CWC25: variants seen among roughly 807,000 people sequenced by gnomAD.
CWC25 encodes CWC25 spliceosome associated protein, also known as pre-mRNA-splicing factor CWC25 homolog.
CWC25 carries 31 observed loss-of-function variants against 54.6 expected under a neutral mutation model. That is an observed-to-expected ratio of 0.57 (90% CI 0.43 to 0.77). CWC25 has a LOEUF of 0.77. CWC25 is among the 30% of genes least tolerant of loss of function. The pLI is 0.00. For synonymous variants in CWC25, 151 were observed against 187.0 expected, an observed-to-expected ratio of 0.81 and a Z score of 1.57; for missense variants, 453 against 529.3, an observed-to-expected ratio of 0.86 and a Z score of 1.41.
chr17:38,812,457 G>A (rs113435706), intron 4 of CWC25, among the ~76,000 whole-genome samples: 7,894 of 152,072 alleles, frequency 0.052, 286 homozygotes, highest in Non-Finnish European at 0.076. Flanking sequence ...AATAAACCCC[G>A]TCTCTACTAA....
At chr17:38,823,601 T>C (rs1178979118) in intron 1 of CWC25, among the ~76,000 whole-genome samples, 2 of 152,154 alleles carry the variant, frequency 1.3e-5, no homozygotes, top group Non-Finnish European at 2.9e-5. Context: ...CTTCCTTTTC[T>C]CTTCCCCTCC....
chr17:38,821,855 C>T (rs1032827307), intron 1 of CWC25, among the ~76,000 whole-genome samples: 54 of 151,846 alleles, frequency 3.6e-4, no homozygotes, highest in Non-Finnish European at 7.4e-5. Flanking sequence ...CTGCACCCTC[C>T]GCCTCCCGGG....
At chr17:38,819,403 T>C (rs1309806433) in intron 2 of CWC25, among the ~76,000 whole-genome samples, 1 of 150,610 alleles carries the variant, frequency 6.6e-6, no homozygotes, top group African/African-American at 2.4e-5. Context: ...AGTCTCGCTC[T>C]GTCGCCAGGC....
intron 3 of CWC25, among the ~76,000 whole-genome samples, chr17:38,813,279 T>C (rs1427041638): frequency 6.6e-6 from 1 of 151,208 alleles, no homozygotes; most frequent in Non-Finnish European, 1.5e-5. Flanking sequence ...CTGGCCAACA[T>C]GGTGAAACCT....
chr17:38,816,337 T>C (rs1167240612), intron 2 of CWC25, among the ~76,000 whole-genome samples: 1 of 152,008 alleles, frequency 6.6e-6, no homozygotes, highest in Admixed American at 6.6e-5. Context: ...CAGCCTTGAA[T>C]TCCTGGGCTC....
At chr17:38,817,123 G>A (rs918887716) in intron 2 of CWC25, among the ~76,000 whole-genome samples, 3 of 150,282 alleles carry the variant, frequency 2.0e-5, no homozygotes, top group East Asian at 2.0e-4. Context: ...GGCTGATCAC[G>A]AGGTCAGGAG....
At chr17:38,815,493 G>A (rs1911661235) in intron 2 of CWC25, 1 of 429,548 alleles carries the variant, frequency 2.3e-6, no homozygotes, top group South Asian at 1.7e-5. Flanking sequence ...GGAGGCAGAG[G>A]TTGCAGTAAG....
At chr17:38,806,274 A>G in intron 8 of CWC25, 23 bp downstream of exon 8, 1 of 1,587,552 alleles carries the variant, frequency 6.3e-7, no homozygotes. Context: ...AAATGTGGTT[A>G]ATCAACTGGG....
chr17:38,807,373 A>T (rs1911298022), intron 6 of CWC25, among the ~76,000 whole-genome samples: 1 of 139,790 alleles, frequency 7.2e-6, no homozygotes, highest in East Asian at 2.1e-4. Flanking sequence ...AATGTTACAT[A>T]AGGAGCTCAC....
At chr17:38,820,786 C>A (rs1416738144) in intron 2 of CWC25, 115 bp downstream of exon 2, 2 of 1,225,220 alleles carry the variant, frequency 1.6e-6, no homozygotes, top group Admixed American at 2.5e-5. Flanking sequence ...CCAGGTGAGT[C>A]TGGCATTACA....
intron 1 of CWC25, among the ~76,000 whole-genome samples, chr17:38,821,697 A>G (rs930391265): frequency 1.3e-5 from 2 of 152,200 alleles, no homozygotes; most frequent in Admixed American, 1.3e-4. Flanking sequence ...TGATGACAAG[A>G]CAGGAGGAAT....
At chr17:38,806,721 G>A (rs1374480909) in intron 7 of CWC25, 44 bp downstream of exon 7, 1 of 1,488,314 alleles carries the variant, frequency 6.7e-7, no homozygotes, top group Non-Finnish European at 9.0e-7. Flanking sequence ...CTGGGACCAG[G>A]CCCCCACAGT....
At position 38,810,052 on chromosome 17, in the gene CWC25, G is replaced by A. The variant is rs376565350; in HGVS notation, c.627-287C>T. Among the ~76,000 whole-genome samples the A allele has an allele frequency of 2.7e-4, 41 of 152,090 alleles. 1 individual carries two copies. Among genetic ancestry groups the A allele is most frequent in the East Asian group, 1.5e-3 (8 of 5,176 alleles). On this transcript the variant is annotated intron_variant, in intron 5 of 9. Coordinates refer to ENST00000614790, the MANE Select transcript of CWC25 (RefSeq NM_017748.5). Reference sequence around the variant, plus strand: ...CAGGGACAAATAGTGACTCAGCAGCGGCGGAGCTGACTGCTTCCACAGGAA... The same window carrying A: ...CAGGGACAAATAGTGACTCAGCAGCAGCGGAGCTGACTGCTTCCACAGGAA...
At chr17:38,816,799 C>A (rs1412974120) in intron 2 of CWC25, among the ~76,000 whole-genome samples, 1 of 151,860 alleles carries the variant, frequency 6.6e-6, no homozygotes, top group African/African-American at 2.4e-5. Context: ...ATTCTCCTGC[C>A]TCAGCCTCCC....
Position 38,806,916 on chromosome 17 carries a change from C to G in CWC25, c.751G>C (p.Gly251Arg), listed in dbSNP as rs1292727709. Residue 251 changes from glycine to arginine, a missense_variant, in exon 7 of 10, where the codon GGG becomes CGG. By Grantham distance (125) the Gly-to-Arg change is moderately radical (BLOSUM62 -2). Around this residue, in one of 2 missense-constraint regions of CWC25, gnomAD observed 444 missense variants for 499.2 expected, o/e 0.89. Transcript: ENST00000614790. ...QGPLTAEQKRGHGMKNHSRSR... is the reference protein window; with the variant it reads ...QGPLTAEQKRRHGMKNHSRSR... Reference sequence around the variant, plus strand: ...CTGGAATGGTTCTTCATCCCATGCCCTCTCTTTTGCTCTGCTGTCAGAGGA... The same window carrying G: ...CTGGAATGGTTCTTCATCCCATGCCGTCTCTTTTGCTCTGCTGTCAGAGGA... The G allele has an allele frequency of 6.2e-7, 1 of 1,613,988 alleles. No individual in the cohort carries two copies. Among genetic ancestry groups the G allele is most frequent in the Admixed American group, 1.7e-5 (1 of 60,010 alleles).
chr17:38,815,159 A>C, intron 2 of CWC25, 62 bp from the exon 3 acceptor site: 1 of 1,421,166 alleles, frequency 7.0e-7, no homozygotes, highest in Non-Finnish European at 9.8e-7. Flanking sequence ...GCAAACCTAC[A>C]CCTAAAACCT....
In CWC25 at chr17:38,810,584, A is replaced by G; in HGVS notation, c.510T>C (p.Ser170=). 6.7e-7 allele frequency: 1 copy of G among 1,481,494 alleles called. No homozygotes were observed. Among genetic ancestry groups the G allele is most frequent in the African/African-American group, 1.4e-5 (1 of 71,948 alleles). 91.8% of individuals were successfully genotyped at this position (1,481,494 alleles called of 1,614,324 possible). ...MKKIKELLQM[S]LEKKEKKKKK... is the part of the protein sequence containing the mutation. ...TTTTCTTCTTCTCCTTTTTTTCCAG[A>G]CTCATTTGCAACTGGAAAATGCCGA... The change falls in exon 5 of 10, where the codon AGT becomes AGC. Residue 170 remains serine (S), a synonymous_variant. Transcript: ENST00000614790.
At chr17:38,814,584 A>C (rs944908838) in intron 3 of CWC25, among the ~76,000 whole-genome samples, 3 of 151,648 alleles carry the variant, frequency 2.0e-5, no homozygotes, top group Admixed American at 1.3e-4. Context: ...TCTGCTAAAA[A>C]ATACAACAAA....
At chr17:38,813,237 G>A (rs926878296) in intron 3 of CWC25, among the ~76,000 whole-genome samples, 8 of 151,884 alleles carry the variant, frequency 5.3e-5, no homozygotes, top group Admixed American at 2.0e-4. Flanking sequence ...TGGGGCAGGC[G>A]GATCACTTGA....
Sources: gnomAD v4.1 joint callset for allele counts (sites outside exome capture counted in the v4.1 genomes callset) on GRCh38, gnomAD v4.1.1 for gene constraint, gnomAD v4.1.1 regional missense constraint, MANE v1.5 for transcripts, NCBI Gene and HGNC (gene_info 2026-07-23, HGNC 2026-07-21) for gene names.